Variants in ZC2HC1C observed in about 807,000 individuals in gnomAD.
ZC2HC1C encodes the protein zinc finger C2HC domain-containing protein 1C.
A neutral mutation model predicts 39.2 loss-of-function variants in ZC2HC1C; 25 were observed. That is an observed-to-expected ratio of 0.64 (90% confidence interval 0.47 to 0.89). The LOEUF (loss-of-function observed/expected upper bound fraction) is 0.89, where lower values mean the gene tolerates loss of function less well. ZC2HC1C is among the 40% of genes least tolerant of loss of function. The probability of loss-of-function intolerance (pLI) is 0.00; values close to 1 mark genes in which losing one functional copy is unlikely to be tolerated. For missense variants in ZC2HC1C, 519 were observed against 548.6 expected (o/e 0.95, Z 0.54); for synonymous variants, 209 against 214.4 (o/e 0.97, Z 0.22).
Position 75,078,714 on chromosome 14 carries a change from A to G in ZC2HC1C, c.*1150A>G, listed in dbSNP as rs1893783729. 1 of 152,250 alleles carries G rather than the reference A, an allele frequency of 6.6e-6. No individual in the cohort carries two copies. Among genetic ancestry groups the G allele is most frequent in the Non-Finnish European group, 1.5e-5 (1 of 68,090 alleles). 9.4% of individuals were successfully genotyped at this position (152,250 alleles called of 1,614,324 possible). A position where few individuals can be genotyped will look rare whatever the true frequency, so the allele number is the denominator to read the frequency against. ...GAGTTCAAGAGCGGCCTCGACAACA[A>G]AGCAAGACCCCATCTCAAAACAAAA... On this transcript the variant is annotated 3_prime_UTR_variant, in exon 3 of 3. Coordinates refer to ENST00000524913, the MANE Select transcript of ZC2HC1C (RefSeq NM_024643.4).
intron 1 of ZC2HC1C, chr14:75,069,971 C>T: frequency 6.5e-6 from 1 of 154,062 alleles, no homozygotes; most frequent in Admixed American, 6.5e-5. Flanking sequence ...TTACAGTCTG[C>T]GCCACGGGGA....
chr14:75,075,151 A>G (rs1056063425), intron 2 of ZC2HC1C, among the ~76,000 whole-genome samples: 1 of 152,150 alleles, frequency 6.6e-6, no homozygotes, highest in Non-Finnish European at 1.5e-5. Flanking sequence ...GATCCATCTG[A>G]TATCAGACAT....
rs1893379675 is a variant in ZC2HC1C at position 75,071,190 on chromosome 14, A to G, written c.617A>G (p.Asp206Gly). 6.2e-7 allele frequency: 1 copy of G among 1,614,096 alleles called. No homozygotes were observed. The highest frequency in any genetic ancestry group is 8.5e-7 in the Non-Finnish European group (1 of 1,180,050). ...GCGGAGAAGGCCGTGGCAAACTTTG[A>G]CAGGACGGAGTGGGTGCAGATCCGA... ...TQAEKAVANF[D>G]RTEWVQIRRL... is the part of the protein sequence containing the mutation. The change falls in exon 2 of 3, where the codon GAC becomes GGC. Residue 206 changes from aspartate (D) to glycine (G), a missense_variant. By Grantham distance (94) the Asp-to-Gly change is moderately conservative. Coordinates refer to ENST00000524913, the MANE Select transcript of ZC2HC1C (RefSeq NM_024643.4).
intron 2 of ZC2HC1C, among the ~76,000 whole-genome samples, chr14:75,074,847 C>G (rs1054224685): frequency 2.6e-5 from 4 of 152,220 alleles, no homozygotes; most frequent in African/African-American, 9.6e-5. Context: ...GCTGGGATTA[C>G]AGGCGTGAGC....
Position 75,070,726 on chromosome 14 carries a change from C to A in ZC2HC1C, c.153C>A (p.Asn51Lys). The change falls in exon 2 of 3, where the codon AAC (asparagine) becomes AAA (lysine). Residue 51 changes from asparagine to lysine, a missense_variant. Transcript: ENST00000524913. Reference sequence around the variant, plus strand: ...AGTCCTTGAAGGGGCACCTGAGGAACAATTTCCAGAAGCAGCTTTTGAGCA... The same window carrying A: ...AGTCCTTGAAGGGGCACCTGAGGAAAAATTTCCAGAAGCAGCTTTTGAGCA... ...SQQSLKGHLR[N>K]NFQKQLLSNK... The A allele has an allele frequency of 1.2e-6, 2 of 1,614,228 alleles. No individual in the cohort carries two copies. The highest frequency in any genetic ancestry group is 1.7e-6 in the Non-Finnish European group (2 of 1,180,038).
Position 75,077,897 on chromosome 14 carries a change from C to T in ZC2HC1C, c.*333C>T, listed in dbSNP as rs1286762395. ...TGCAAAGCAGAAAGAAATCAAACAGCTCCCAGATCTGCCTGCAGAGCTAAA... is the reference window on the plus strand; with the variant it reads ...TGCAAAGCAGAAAGAAATCAAACAGTTCCCAGATCTGCCTGCAGAGCTAAA... On this transcript the variant is annotated 3_prime_UTR_variant, in exon 3 of 3. Transcript: ENST00000524913. The T allele has an allele frequency of 3.6e-6, 1 of 278,726 alleles. No homozygotes were observed. Among genetic ancestry groups the T allele is most frequent in the African/African-American group, 2.2e-5 (1 of 45,154 alleles). 17.3% of individuals were successfully genotyped at this position (278,726 alleles called of 1,614,324 possible).
chr14:75,075,674 A>G (rs138744400), intron 2 of ZC2HC1C, among the ~76,000 whole-genome samples: 49 of 152,332 alleles, frequency 3.2e-4, no homozygotes, highest in African/African-American at 1.1e-3. Context: ...GAAACTTTAC[A>G]ATAATTGTGC....
rs1167914943 is a variant in ZC2HC1C at position 75,077,608 on chromosome 14, T to C, written c.*44T>C. ...CATACGTTCCGCCAGGCTCGAGAGG[T>C]CCAGCAGGTAACTGCCAAAGGTGGA... On this transcript the variant is annotated 3_prime_UTR_variant, in exon 3 of 3. Coordinates refer to ENST00000524913, the MANE Select transcript of ZC2HC1C (RefSeq NM_024643.4). 1.9e-6 allele frequency: 3 copies of C among 1,612,652 alleles called. No individual in the cohort carries two copies. The highest frequency in any genetic ancestry group is 2.7e-5 in the African/African-American group (2 of 74,760).
rs1486082993 is a variant in ZC2HC1C, at chr14:75,071,475, G to T, written c.902G>T (p.Arg301Ile). The T allele has an allele frequency of 6.2e-7, 1 of 1,614,202 alleles. No homozygotes were observed. The highest frequency in any genetic ancestry group is 2.2e-5 in the East Asian group (1 of 44,878). Residue 301 changes from arginine to isoleucine, a missense_variant, in exon 2 of 3, where the codon AGA becomes ATA. Physicochemically the swap from Arg to Ile is moderately conservative, Grantham distance 97. Transcript: ENST00000524913. ...GAGGAAGAATTTAGTAGAGACAGGA[G>T]AGAGGATGAAACTTGGGGACGGTCT... is the stretch of plus-strand genomic sequence containing the variant. ...EFEEEFSRDR[R>I]EDETWGRSQQ...
intron 2 of ZC2HC1C, among the ~76,000 whole-genome samples, chr14:75,076,104 T>G (rs1160548701): frequency 6.6e-6 from 1 of 151,944 alleles, no homozygotes; most frequent in African/African-American, 2.4e-5. Flanking sequence ...AACAATAATT[T>G]TCTCCTCGTG....
At chr14:75,077,056 T>A (rs1315735362) in intron 2 of ZC2HC1C, among the ~76,000 whole-genome samples, 2 of 152,212 alleles carry the variant, frequency 1.3e-5, no homozygotes, top group Admixed American at 6.5e-5. Flanking sequence ...GACAGTTCGA[T>A]AATTTGGTAT....
chr14:75,072,842 A>G (rs1259344739), intron 2 of ZC2HC1C, among the ~76,000 whole-genome samples: 2 of 152,256 alleles, frequency 1.3e-5, no homozygotes. Context: ...ATAACAATAT[A>G]TTAAGCCCCT....
At chr14:75,076,075 A>C (rs188470736) in intron 2 of ZC2HC1C, among the ~76,000 whole-genome samples, 76 of 151,584 alleles carry the variant, frequency 5.0e-4, no homozygotes, top group Non-Finnish European at 6.5e-4. Flanking sequence ...ACAACAACAA[A>C]AACAAAACAA....
chr14:75,070,622 CT>C lies in ZC2HC1C; in HGVS notation c.50del (p.Leu17ProfsTer29). 1 of 1,614,038 alleles carries C rather than the reference CT, an allele frequency of 6.2e-7. No individual in the cohort carries two copies. The highest frequency in any genetic ancestry group is 1.3e-5 in the African/African-American group (1 of 75,048). On this transcript the variant is annotated frameshift_variant, in exon 2 of 3. Transcript: ENST00000524913. LOFTEE classifies it high-confidence loss of function. ...LASHLPVGVM[L>X]PHNTTEAPGP... is the part of the protein sequence containing the mutation. ...GTCACATCTGCCTGTGGGCGTTATG[CT>C]CCCACATAATACAACGGAAGCTCCA... is the stretch of plus-strand genomic sequence containing the variant.
chr14:75,076,051 C>CAA (rs1893652377), intron 2 of ZC2HC1C, among the ~76,000 whole-genome samples: 8 of 151,980 alleles, frequency 5.3e-5, no homozygotes, highest in Non-Finnish European at 1.2e-4. Flanking sequence ...AGCAAGACTC[C>CAA]ATCTCAAATA....
intron 2 of ZC2HC1C, among the ~76,000 whole-genome samples, chr14:75,072,280 TAA>T (rs1893464035): frequency 6.6e-6 from 1 of 152,198 alleles, no homozygotes; most frequent in Admixed American, 6.5e-5. Context: ...GTAGAAAATT[TAA>T]AAGACACAAA....
intron 2 of ZC2HC1C, among the ~76,000 whole-genome samples, chr14:75,072,350 C>T (rs531309143): frequency 6.6e-6 from 1 of 152,358 alleles, no homozygotes; most frequent in East Asian, 1.9e-4. Context: ...TCACTCTTTG[C>T]AATGTATTCT....
In ZC2HC1C at chr14:75,077,674, C is replaced by G; in HGVS notation, c.*110C>G. ...CCTCCCATCCTGCCTGCAGAAAACC[C>G]AGACTGCATTCAGTGTCCTCAGTGT... On this transcript the variant is annotated 3_prime_UTR_variant, in exon 3 of 3. Transcript: ENST00000524913. The G allele has an allele frequency of 1.5e-6, 2 of 1,376,776 alleles. No individual in the cohort carries two copies. Among genetic ancestry groups the G allele is most frequent in the Non-Finnish European group, 2.0e-6 (2 of 983,564 alleles). 85.3% of individuals were successfully genotyped at this position (1,376,776 alleles called of 1,614,324 possible).
intron 2 of ZC2HC1C, chr14:75,073,697 C>A: frequency 8.9e-7 from 1 of 1,124,394 alleles, no homozygotes; most frequent in Non-Finnish European, 1.2e-6. Flanking sequence ...CCCTGTCTCT[C>A]TCCTGGACTG....
Sources: allele counts gnomAD v4.1 joint callset (sites outside exome capture counted in the v4.1 genomes callset), GRCh38; gene constraint gnomAD v4.1.1; transcripts MANE v1.5; gene names NCBI Gene and HGNC (gene_info 2026-07-23, HGNC 2026-07-21).